Variants in ADCY8 observed in about 807,000 individuals in gnomAD.
ADCY8 encodes adenylate cyclase type 8.
In ADCY8, 51 loss-of-function variants were observed where a neutral mutation model predicts 119.7. The observed-to-expected ratio is 0.43, with a 90% CI of 0.34 to 0.54. The LOEUF is 0.54. Among genes scored for constraint, ADCY8 ranks in the 20% least tolerant of loss-of-function variants. The pLI, the probability that ADCY8 is intolerant of heterozygous loss-of-function variation, is 0.03. For missense variants in ADCY8, 1,383 were observed against 1,598.8 expected, an observed-to-expected ratio of 0.87 and a Z score of 2.30; for synonymous variants, 665 against 651.0, an observed-to-expected ratio of 1.02 and a Z score of -0.33.
chr8:131,030,905 G>T (rs1201733893), intron 1 of ADCY8, among the ~76,000 whole-genome samples: 1 of 152,118 alleles, frequency 6.6e-6, no homozygotes, highest in African/African-American at 2.4e-5. Flanking sequence ...TCCTCAAAGG[G>T]GCACAAATTC....
intron 1 of ADCY8, among the ~76,000 whole-genome samples, chr8:131,034,955 T>TA (rs1824105082): frequency 6.6e-6 from 1 of 152,178 alleles, no homozygotes; most frequent in Non-Finnish European, 1.5e-5. Context: ...CACCAGCAAT[T>TA]AAAATAGAGT....
chr8:130,794,522 C>T (rs1160054452), intron 15 of ADCY8, among the ~76,000 whole-genome samples: 1 of 152,180 alleles, frequency 6.6e-6, no homozygotes, highest in African/African-American at 2.4e-5. Flanking sequence ...GGGATTAAGG[C>T]ATGAGCCACG....
chr8:131,029,651 A>G (rs1823934971), intron 1 of ADCY8, among the ~76,000 whole-genome samples: 1 of 152,200 alleles, frequency 6.6e-6, no homozygotes, highest in African/African-American at 2.4e-5. Flanking sequence ...AATGATCTGG[A>G]TAATTACTTG....
chr8:131,022,608 C>A (rs1823708419), intron 1 of ADCY8, among the ~76,000 whole-genome samples: 1 of 152,112 alleles, frequency 6.6e-6, no homozygotes, highest in Non-Finnish European at 1.5e-5. Context: ...TATATTTTCC[C>A]CATAAATGCT....
At chr8:130,912,926 G>A (rs1200948005) in intron 5 of ADCY8, among the ~76,000 whole-genome samples, 1 of 152,178 alleles carries the variant, frequency 6.6e-6, no homozygotes, top group African/African-American at 2.4e-5. Flanking sequence ...ATCAGTTTCT[G>A]AGGCACTTTT....
At chr8:130,946,787 G>A (rs1334982644) in intron 3 of ADCY8, among the ~76,000 whole-genome samples, 1 of 152,102 alleles carries the variant, frequency 6.6e-6, no homozygotes, top group African/African-American at 2.4e-5. Context: ...GCCCCCAGTG[G>A]CATCTCATGA....
chr8:130,791,122 A>G (rs1815411501), intron 15 of ADCY8, among the ~76,000 whole-genome samples: 1 of 152,206 alleles, frequency 6.6e-6, no homozygotes, highest in Non-Finnish European at 1.5e-5. Context: ...ACAGACATAA[A>G]TCCTGCTCTC....
intron 6 of ADCY8, among the ~76,000 whole-genome samples, chr8:130,907,687 T>G (rs1819833711): frequency 6.6e-6 from 1 of 152,238 alleles, no homozygotes; most frequent in South Asian, 2.1e-4. Flanking sequence ...TGAAAGATGA[T>G]TTAAACTCAG....
intron 14 of ADCY8, among the ~76,000 whole-genome samples, chr8:130,801,899 CTTTTTTTTT>C (rs34853195): frequency 1.1e-4 from 11 of 97,794 alleles, no homozygotes; most frequent in African/African-American, 2.3e-4. Flanking sequence ...TTGAGAATGC[CTTTTTTTTT>C]TTTTTTTTTT....
chr8:131,024,828 CA>C (rs1226047322), intron 1 of ADCY8, among the ~76,000 whole-genome samples: 1 of 152,120 alleles, frequency 6.6e-6, no homozygotes, highest in East Asian at 1.9e-4. Flanking sequence ...TTTGCTAAAT[CA>C]TTACTCATAA....
chr8:130,999,797 A>G (rs1324433579), intron 1 of ADCY8, among the ~76,000 whole-genome samples: 3 of 152,184 alleles, frequency 2.0e-5, no homozygotes, highest in Non-Finnish European at 4.4e-5. Flanking sequence ...TGATCCCTGG[A>G]TCTGGGCCTT....
chr8:131,028,914 C>T (rs990563012), intron 1 of ADCY8, among the ~76,000 whole-genome samples: 3 of 152,188 alleles, frequency 2.0e-5, no homozygotes, highest in Admixed American at 6.5e-5. Context: ...ATGGTGAGCA[C>T]CCACCAGAAG....
intron 6 of ADCY8, among the ~76,000 whole-genome samples, chr8:130,905,782 C>A (rs1268775519): frequency 2.0e-5 from 3 of 152,110 alleles, no homozygotes; most frequent in Non-Finnish European, 2.9e-5. Context: ...ATCGCTTGAG[C>A]CCAGACAGTT....
intron 2 of ADCY8, among the ~76,000 whole-genome samples, chr8:130,989,414 ACTTT>A (rs1306352356): frequency 1.3e-5 from 2 of 151,924 alleles, no homozygotes; most frequent in Non-Finnish European, 2.9e-5. Context: ...TTTCTCTGCT[ACTTT>A]CTTTATGATT....
chr8:130,983,197 A>G lies in ADCY8; in HGVS notation c.1110+7196T>C, dbSNP rs117568909. On this transcript the variant is annotated intron_variant, in intron 2 of 17. Coordinates refer to ENST00000286355, the MANE Select transcript of ADCY8 (RefSeq NM_001115.3). ...CCAAGGTTAGGAAGGGCAGGCAGCTACAAACACCCATGGAATCTGGCAAAT... is the reference window on the plus strand; with the variant it reads ...CCAAGGTTAGGAAGGGCAGGCAGCTGCAAACACCCATGGAATCTGGCAAAT... 7.9e-4 allele frequency among the ~76,000 whole-genome samples: 121 copies of G among 152,366 alleles called. No homozygotes were observed. In the East Asian group the frequency reaches 0.017, roughly 22 times the overall value.
intron 11 of ADCY8, among the ~76,000 whole-genome samples, chr8:130,839,022 G>A (rs964560): frequency 0.23 from 31,558 of 138,868 alleles, 8,535 homozygotes; most frequent in East Asian, 0.34. Context: ...AATGGAAAGG[G>A]ACGGGCATTT....
chr8:130,866,269 A>T (rs2130384658), intron 9 of ADCY8, among the ~76,000 whole-genome samples: 1 of 152,022 alleles, frequency 6.6e-6, no homozygotes, highest in Middle Eastern at 3.4e-3. Context: ...TCTCTTTCTA[A>T]TGTCCTCTGC....
chr8:130,802,658 A>G (rs1815818295), intron 14 of ADCY8, among the ~76,000 whole-genome samples: 1 of 152,184 alleles, frequency 6.6e-6, no homozygotes, highest in Non-Finnish European at 1.5e-5. Context: ...ACACGGAAGC[A>G]TTTGTACTTC....
At chr8:131,026,041 C>A (rs896630317) in intron 1 of ADCY8, among the ~76,000 whole-genome samples, 4 of 152,178 alleles carry the variant, frequency 2.6e-5, no homozygotes, top group Non-Finnish European at 4.4e-5. Context: ...CATAAATATT[C>A]GCCATATGAG....
Sources: gnomAD v4.1 joint callset for allele counts (sites outside exome capture counted in the v4.1 genomes callset) on GRCh38, gnomAD v4.1.1 for gene constraint, MANE v1.5 for transcripts, NCBI Gene and HGNC (gene_info 2026-07-23, HGNC 2026-07-21) for gene names.